KIF23: variants seen among roughly 807,000 people sequenced by gnomAD.
KIF23 encodes kinesin-like protein KIF23.
A neutral mutation model predicts 137.5 loss-of-function variants in KIF23; 30 were observed. The observed-to-expected ratio is 0.22, with a 90% confidence interval of 0.16 to 0.30. The LOEUF (loss-of-function observed/expected upper bound fraction) is 0.30, where lower values mean the gene tolerates loss of function less well. Among genes scored for constraint, KIF23 ranks in the 10% least tolerant of loss-of-function variants. The pLI is 1.00. For missense variants in KIF23, 920 were observed against 1,194.3 expected (o/e 0.77, Z 3.38); for synonymous variants, 367 against 391.1 (o/e 0.94, Z 0.73).
intron 3 of KIF23, among the ~76,000 whole-genome samples, chr15:69,417,994 A>G (rs2056961417): frequency 6.6e-6 from 1 of 152,240 alleles, no homozygotes; most frequent in African/African-American, 2.4e-5. Flanking sequence ...AAAAAAGAGC[A>G]TGACATACTC....
At chr15:69,420,085 C>T (rs1387531848) in intron 3 of KIF23, among the ~76,000 whole-genome samples, 3 of 151,852 alleles carry the variant, frequency 2.0e-5, no homozygotes, top group South Asian at 4.2e-4. Flanking sequence ...GCCAACATGG[C>T]GAAACCCCAT....
chr15:69,441,112 C>G (rs2057609434), intron 19 of KIF23, 33 bp downstream of exon 19: 2 of 1,524,944 alleles, frequency 1.3e-6, no homozygotes, highest in Non-Finnish European at 1.8e-6. Context: ...CGCATTGTAG[C>G]AATAGATTTT....
chr15:69,441,126 T>C, intron 19 of KIF23, 47 bp downstream of exon 19: 1 of 1,485,438 alleles, frequency 6.7e-7, no homozygotes, highest in South Asian at 1.3e-5. Flanking sequence ...AGATTTTATC[T>C]TCTTTGTTTT....
At chr15:69,416,742 G>A (rs538629278) in intron 2 of KIF23, among the ~76,000 whole-genome samples, 13 of 152,172 alleles carry the variant, frequency 8.5e-5, no homozygotes, top group East Asian at 3.9e-4. Context: ...ATCACCTGAG[G>A]TCAGGAGTTC....
intron 3 of KIF23, among the ~76,000 whole-genome samples, chr15:69,418,583 T>G (rs1206091011): frequency 6.6e-6 from 1 of 152,198 alleles, no homozygotes; most frequent in Admixed American, 6.5e-5. Context: ...TTCCAACATG[T>G]GTCTTGAAAC....
chr15:69,439,537 C>T (rs1332916540), intron 16 of KIF23, among the ~76,000 whole-genome samples: 1 of 152,292 alleles, frequency 6.6e-6, no homozygotes, highest in Middle Eastern at 3.4e-3. Context: ...TCTGTTCTCT[C>T]ATTTACAGAG....
At chr15:69,416,944 T>A (rs2056928587) in intron 2 of KIF23, among the ~76,000 whole-genome samples, 1 of 71,936 alleles carries the variant, frequency 1.4e-5, no homozygotes, top group Non-Finnish European at 2.7e-5. Flanking sequence ...AGAGAAACTC[T>A]GTCTCTAAAT....
Position 69,426,408 on chromosome 15 carries a change from T to C in KIF23, c.962T>C (p.Ile321Thr). Residue 321 changes from isoleucine to threonine, a missense_variant, in exon 10 of 24, where the codon ATT becomes ACT. By Grantham distance (89) the Ile-to-Thr change is moderately conservative (BLOSUM62 -1). This residue lies in a region of KIF23 where 714 missense variants were observed against 866.2 expected (regional missense o/e 0.82). Coordinates refer to ENST00000679126, the MANE Select transcript of KIF23 (RefSeq NM_001367805.3). ...AGCCGTTCCCATAGCGTGTTCAACA[T>C]TAAATTAGTTCAGGCTCCCTTGGAT... ...ESSRSHSVFN[I>T]KLVQAPLDAD... 1 of 1,614,142 alleles carries C rather than the reference T, an allele frequency of 6.2e-7. No individual in the cohort carries two copies. The highest frequency in any genetic ancestry group is 1.6e-4 in the Middle Eastern group (1 of 6,062).
At chr15:69,435,621 G>T (rs748328057) in intron 12 of KIF23, 31 bp from the exon 13 acceptor site, 2 of 1,611,766 alleles carry the variant, frequency 1.2e-6, no homozygotes, top group African/African-American at 2.7e-5. Context: ...TTTTTTTTGC[G>T]TAACACATTT....
At chr15:69,434,615 T>C (rs1039593024) in intron 11 of KIF23, 93 of 1,340,178 alleles carry the variant, frequency 6.9e-5, no homozygotes, top group South Asian at 8.2e-5. Context: ...CTTAGAAACA[T>C]AGTTGATGAT....
At chr15:69,440,716 G>C in intron 18 of KIF23, 52 bp from the exon 19 acceptor site, 1 of 1,432,584 alleles carries the variant, frequency 7.0e-7, no homozygotes. Context: ...GTAATGAATT[G>C]TTTCTCTCAG....
chr15:69,440,838 G>C lies in KIF23; in HGVS notation c.2180G>C (p.Arg727Pro). 6.2e-7 allele frequency: 1 copy of C among 1,613,754 alleles called. No individual in the cohort carries two copies. The highest frequency in any genetic ancestry group is 8.5e-7 in the Non-Finnish European group (1 of 1,180,014). ...ATGAGCCAGCCACAGCTACATAGGC[G>C]CTCTAACTCTTGCAGCAGCATTTCT... is the stretch of plus-strand genomic sequence containing the variant. The part of the protein sequence containing the change: ...QLMSQPQLHR[R>P]SNSCSSISVA... The change falls in exon 19 of 24, where the codon CGC becomes CCC. Residue 727 changes from arginine to proline, a missense_variant. This residue lies in a region of KIF23 where 714 missense variants were observed against 866.2 expected (regional missense o/e 0.82). Coordinates refer to ENST00000679126, the MANE Select transcript of KIF23 (RefSeq NM_001367805.3).
intron 15 of KIF23, 143 bp downstream of exon 15, chr15:69,436,865 C>T (rs964833253): frequency 6.0e-5 from 29 of 480,766 alleles, no homozygotes; most frequent in Non-Finnish European, 1.4e-5. Context: ...AGCGATTCTC[C>T]TGCCTTAGTC....
chr15:69,426,078 A>G lies in KIF23; in HGVS notation c.785A>G (p.Gln262Arg). The change falls in exon 9 of 24, where the codon CAA (glutamine) becomes CGA (arginine). Residue 262 changes from glutamine to arginine, a missense_variant. Around this residue, in one of 4 missense-constraint regions of KIF23, gnomAD observed 714 missense variants for 866.2 expected, o/e 0.82. Transcript: ENST00000679126. ...PMRNTDFVPP[Q>R]SKLLREDKNH... The stretch of plus-strand genomic sequence containing the variant: ...TTTTTTCTTTCCCATAGACCTCCAC[A>G]ATCTAAATTGCTTCGTGAAGATAAG... 4.4e-6 allele frequency: 7 copies of G among 1,578,590 alleles called. No individual in the cohort carries two copies. Among genetic ancestry groups the G allele is most frequent in the Non-Finnish European group, 6.0e-6 (7 of 1,170,862 alleles).
At chr15:69,446,535 C>T (rs1261464059) in intron 22 of KIF23, 171 bp downstream of exon 22, 1 of 636,952 alleles carries the variant, frequency 1.6e-6, no homozygotes, top group Non-Finnish European at 2.8e-6. Flanking sequence ...TCATCAGGAA[C>T]TCCCTTGCAA....
At chr15:69,417,981 TA>T (rs927427607) in intron 3 of KIF23, among the ~76,000 whole-genome samples, 2 of 151,998 alleles carry the variant, frequency 1.3e-5, no homozygotes, top group South Asian at 2.1e-4. Flanking sequence ...GGAAGGAGAT[TA>T]AAAAAAAGAG....
intron 11 of KIF23, 73 bp from the exon 12 acceptor site, chr15:69,435,410 A>G (rs2140376360): frequency 8.4e-7 from 1 of 1,195,652 alleles, no homozygotes; most frequent in East Asian, 2.4e-5. Flanking sequence ...TTGAGATTTT[A>G]TAGGCAAACA....
rs550720473 is a variant in KIF23, at chr15:69,446,288, G to A, written c.2762G>A (p.Arg921Gln). The change falls in exon 22 of 24, where the codon CGA becomes CAA. Residue 921 changes from arginine (R) to glutamine (Q), a missense_variant. Arg to Gln is a conservative substitution (Grantham distance 43, BLOSUM62 1). This residue lies in a region of KIF23 where 75 missense variants were observed against 177.9 expected (regional missense o/e 0.42). Transcript: ENST00000679126. Reference sequence around the variant, plus strand: ...TCATGTTTCCCCTTTTTCAGTAGTCGAAAACGAAGATCTTCCACAGTAGCA... The same window carrying A: ...TCATGTTTCCCCTTTTTCAGTAGTCAAAAACGAAGATCTTCCACAGTAGCA... ...TLKQESPNGS[R>Q]KRRSSTVAPA... 38 of 1,613,772 alleles carry A rather than the reference G, an allele frequency of 2.4e-5. No homozygotes were observed. The highest frequency in any genetic ancestry group is 2.9e-5 in the Non-Finnish European group (34 of 1,179,846).
intron 11 of KIF23, among the ~76,000 whole-genome samples, chr15:69,430,536 G>C (rs188212776): frequency 6.6e-6 from 1 of 152,198 alleles, no homozygotes; most frequent in South Asian, 2.1e-4. Flanking sequence ...ACCAATCTGG[G>C]AGTGGGAAGG....
Sources: allele counts gnomAD v4.1 joint callset (sites outside exome capture counted in the v4.1 genomes callset), GRCh38; gene constraint gnomAD v4.1.1; regional missense constraint gnomAD v4.1.1; transcripts MANE v1.5; gene names NCBI Gene and HGNC (gene_info 2026-07-23, HGNC 2026-07-21).